IRAK4: variants seen among roughly 807,000 people sequenced by gnomAD.
IRAK4 encodes the protein interleukin 1 receptor associated kinase 4, also known as interleukin-1 receptor-associated kinase 4.
A neutral mutation model predicts 51.8 loss-of-function variants in IRAK4; 44 were observed. The ratio of observed to expected loss-of-function variants is 0.85; its 90% CI spans 0.67 to 1.09. The LOEUF (loss-of-function observed/expected upper bound fraction) is 1.09, where lower values mean the gene tolerates loss of function less well. IRAK4 is among the 50% of genes least tolerant of loss of function. The pLI, the probability that IRAK4 is intolerant of heterozygous loss-of-function variation, is 0.00. For synonymous variants in IRAK4, 149 were observed against 174.1 expected (o/e 0.86, Z 1.13); for missense variants, 487 against 538.0 (o/e 0.91, Z 0.94).
chr12:43,767,277 T>C (rs1940252263), intron 1 of IRAK4, among the ~76,000 whole-genome samples: 1 of 152,162 alleles, frequency 6.6e-6, no homozygotes, highest in Admixed American at 6.6e-5. Flanking sequence ...CACTAAGGAC[T>C]ATGAGAGAAG....
chr12:43,762,254 G>A (rs893303651), intron 1 of IRAK4, among the ~76,000 whole-genome samples: 1 of 152,302 alleles, frequency 6.6e-6, no homozygotes, highest in African/African-American at 2.4e-5. Context: ...TGGAGGAGTT[G>A]CAGAAGGCCT....
intron 1 of IRAK4, chr12:43,763,504 A>G (rs1179414311): frequency 6.6e-6 from 1 of 152,206 alleles, no homozygotes. Context: ...ATTTATGATT[A>G]TTTTAAATGA....
intron 2 of IRAK4, among the ~76,000 whole-genome samples, chr12:43,770,883 G>A (rs1940679498): frequency 6.6e-6 from 1 of 152,174 alleles, no homozygotes; most frequent in African/African-American, 2.4e-5. Flanking sequence ...GTGGATTAAT[G>A]TCGTCATGGC....
In IRAK4 at chr12:43,786,544, C is replaced by G. The variant is rs752108446; in HGVS notation, c.1334C>G (p.Pro445Arg). 1 of 1,613,286 alleles carries G rather than the reference C, an allele frequency of 6.2e-7. No homozygotes were observed. Among genetic ancestry groups the G allele is most frequent in the Non-Finnish European group, 8.5e-7 (1 of 1,179,746 alleles). ...CTGCATGAAAAGAAAAATAAGAGAC[C>G]AGACATTAAGAAGGTATGCATTTTT... ...QCLHEKKNKR[P>R]DIKKVQQLLQ... The change falls in exon 11 of 12, where the codon CCA becomes CGA. Residue 445 changes from proline (P) to arginine (R), a missense_variant. Pro to Arg is a moderately radical substitution (Grantham distance 103). Coordinates refer to ENST00000613694, the MANE Select transcript of IRAK4 (RefSeq NM_016123.4).
intron 7 of IRAK4, 75 bp downstream of exon 7, chr12:43,777,819 A>G (rs1471258398): frequency 7.3e-6 from 9 of 1,239,888 alleles, no homozygotes; most frequent in Non-Finnish European, 1.1e-5. Flanking sequence ...TTGTTACTGG[A>G]TTATTTAAAC....
intron 1 of IRAK4, among the ~76,000 whole-genome samples, chr12:43,767,340 C>T (rs1328267167): frequency 1.2e-4 from 19 of 152,156 alleles, no homozygotes; most frequent in Admixed American, 1.2e-3. Context: ...AGGGGGTTAC[C>T]ATAAATTTGT....
At chr12:43,778,396 G>T (rs529176647) in intron 8 of IRAK4, 94 bp downstream of exon 8, 2 of 736,004 alleles carry the variant, frequency 2.7e-6, no homozygotes, top group East Asian at 5.3e-5. Flanking sequence ...TCTTAACCTA[G>T]AGCATCTGGA....
chr12:43,786,074 T>C (rs763352873), intron 10 of IRAK4, among the ~76,000 whole-genome samples: 11 of 151,070 alleles, frequency 7.3e-5, no homozygotes, highest in Non-Finnish European at 1.3e-4. Context: ...AGTCTCGCTG[T>C]GTCACCTAGG....
At chr12:43,775,338 A>T (rs567569570) in intron 6 of IRAK4, among the ~76,000 whole-genome samples, 94 of 152,310 alleles carry the variant, frequency 6.2e-4, no homozygotes, top group Non-Finnish European at 1.2e-3. Context: ...TGCATGCAGG[A>T]CTTAATACGT....
At chr12:43,783,619 C>T (rs771146816) in intron 9 of IRAK4, 43 bp from the exon 10 acceptor site, 6 of 1,255,254 alleles carry the variant, frequency 4.8e-6, no homozygotes, top group Admixed American at 1.8e-5. Flanking sequence ...CTGTGCCCAG[C>T]CTATCTTGTG....
intron 1 of IRAK4, 174 bp downstream of exon 1, chr12:43,759,190 G>C (rs2137807200): frequency 6.6e-6 from 1 of 152,372 alleles, no homozygotes. Flanking sequence ...TACTCCAGAA[G>C]AAAGACTTGG....
intron 6 of IRAK4, 82 bp from the exon 7 acceptor site, chr12:43,777,548 A>T: frequency 1.5e-6 from 2 of 1,312,404 alleles, no homozygotes; most frequent in Admixed American, 2.7e-5. Context: ...CTTTTTTTCT[A>T]TTAAAACTTT....
intron 1 of IRAK4, among the ~76,000 whole-genome samples, chr12:43,761,198 T>C (rs1939514571): frequency 6.6e-6 from 1 of 152,174 alleles, no homozygotes; most frequent in African/African-American, 2.4e-5. Context: ...AAAATAAAGA[T>C]TAATGGTTAT....
At position 43,786,571 on chromosome 12, in the gene IRAK4, A is replaced by T. The variant is rs755161698; in HGVS notation, c.1347+14A>T. The T allele has an allele frequency of 6.2e-7, 1 of 1,612,708 alleles. No homozygotes were observed. Among genetic ancestry groups the T allele is most frequent in the South Asian group, 1.1e-5 (1 of 90,984 alleles). On this transcript the variant is annotated intron_variant, in intron 11 of 11. Transcript: ENST00000613694. ...GACATTAAGAAGGTATGCATTTTTT[A>T]TACTTATTTAAAAAGTGAAAGGGGT...
intron 9 of IRAK4, 61 bp from the exon 10 acceptor site, chr12:43,783,601 G>A (rs186857922): frequency 3.7e-4 from 386 of 1,052,396 alleles, no homozygotes; most frequent in African/African-American, 2.4e-3. Context: ...GATTACAGGC[G>A]TTAGCCACTG....
chr12:43,768,364 A>C, intron 2 of IRAK4, 92 bp downstream of exon 2: 1 of 908,430 alleles, frequency 1.1e-6, no homozygotes, highest in Non-Finnish European at 1.7e-6. Context: ...GGCAGTTTAG[A>C]AAGTAAACCT....
chr12:43,775,173 G>A (rs566547658), intron 6 of IRAK4, among the ~76,000 whole-genome samples: 24 of 152,176 alleles, frequency 1.6e-4, no homozygotes, highest in South Asian at 6.2e-4. Context: ...ATTTATGCAC[G>A]GTAAAAATGA....
Position 43,771,227 on chromosome 12 carries a change from G to T in IRAK4, c.169G>T (p.Glu57Ter), listed in dbSNP as rs1321134418. The T allele has an allele frequency of 6.2e-7, 1 of 1,613,580 alleles. No homozygotes were observed. The highest frequency in any genetic ancestry group is 2.2e-5 in the East Asian group (1 of 44,884). Reference protein sequence around the residue: ...RYNQFHIRRFEALLQTGKSPT... With the variant: ...RYNQFHIRRF ...TTGTTACTTACTTTTAAGGAGATTT[G>T]AAGCATTACTTCAAACTGGAAAAAG... Residue 57 changes from glutamate (E) to a stop codon, truncating the protein, a stop_gained, in exon 3 of 12, where the codon GAA (glutamate) becomes TAA (stop). Coordinates refer to ENST00000613694, the MANE Select transcript of IRAK4 (RefSeq NM_016123.4). LOFTEE classifies it high-confidence loss of function.
chr12:43,769,303 C>T (rs1940499581), intron 2 of IRAK4, among the ~76,000 whole-genome samples: 1 of 152,048 alleles, frequency 6.6e-6, no homozygotes, highest in Non-Finnish European at 1.5e-5. Flanking sequence ...CATCACTGAA[C>T]CTAAAAGCAT....
Sources: gnomAD v4.1 joint callset for allele counts (sites outside exome capture counted in the v4.1 genomes callset) on GRCh38, gnomAD v4.1.1 for gene constraint, MANE v1.5 for transcripts, NCBI Gene and HGNC (gene_info 2026-07-23, HGNC 2026-07-21) for gene names.